Variants in UBE3A observed in about 807,000 individuals in gnomAD.
UBE3A encodes ubiquitin-protein ligase E3A.
UBE3A carries 6 observed loss-of-function variants against 83.4 expected under a neutral mutation model. That is an observed-to-expected ratio of 0.07 (90% CI 0.04 to 0.14). UBE3A has a LOEUF of 0.14. Among genes scored for constraint, UBE3A ranks in the 10% least tolerant of loss-of-function variants. The pLI is 1.00. For missense variants in UBE3A, 456 were observed against 1,036.1 expected, an observed-to-expected ratio of 0.44 and a Z score of 7.69; for synonymous variants, 337 against 355.4, an observed-to-expected ratio of 0.95 and a Z score of 0.58.
At chr15:25,427,795 GAAAA>G in intron 1 of UBE3A, among the ~76,000 whole-genome samples, 1 of 77,402 alleles carries the variant, frequency 1.3e-5, no homozygotes, top group Admixed American at 1.6e-4. Flanking sequence ...CTGTCTCCTG[GAAAA>G]AAAAAAAAAA....
chr15:25,399,680 T>C (rs1156952438), intron 4 of UBE3A, among the ~76,000 whole-genome samples: 5 of 152,024 alleles, frequency 3.3e-5, no homozygotes, highest in African/African-American at 1.2e-4. Context: ...GCAATCCTCC[T>C]TCTTCAGCCT....
At chr15:25,425,338 T>C (rs1322593188) in intron 1 of UBE3A, among the ~76,000 whole-genome samples, 1 of 152,136 alleles carries the variant, frequency 6.6e-6, no homozygotes, top group Non-Finnish European at 1.5e-5. Context: ...CAGGTTAGGA[T>C]TTATTTTGGG....
chr15:25,380,417 T>C (rs904087591), intron 4 of UBE3A, among the ~76,000 whole-genome samples: 4 of 152,082 alleles, frequency 2.6e-5, no homozygotes, highest in African/African-American at 9.7e-5. Context: ...TGCCAACCCT[T>C]AGTTTAGGAT....
Position 25,334,879 on chromosome 15 carries a change from G to A in UBE3A, c.*4258C>T, listed in dbSNP as rs1270306799. ...ACTTATGCAAAAAATGGATGAAATA[G>A]GAAACTTCACTACATTCTACTGCAT... On this transcript the variant is annotated 3_prime_UTR_variant, in exon 13 of 13. Transcript: ENST00000648336. 6.6e-6 allele frequency: 1 copy of A among 152,110 alleles called. No homozygotes were observed. The highest frequency in any genetic ancestry group is 1.5e-5 in the Non-Finnish European group (1 of 68,018). The allele number at this position is 152,110 out of a possible 1,614,324, so 9.4% of individuals were successfully genotyped here. A position where few individuals can be genotyped will look rare whatever the true frequency, so the allele number is the denominator to read the frequency against.
At chr15:25,368,642 T>C (rs150020186) in intron 6 of UBE3A, among the ~76,000 whole-genome samples, 311 of 152,262 alleles carry the variant, frequency 2.0e-3, no homozygotes, top group African/African-American at 7.0e-3. Context: ...AATTTTGATA[T>C]AATTAAGCAG....
chr15:25,354,081 C>A lies in UBE3A; in HGVS notation c.2354+272G>T, dbSNP rs116442792. ...TAATTATCTTCTAACCAGCAGTAAGCATACTCTAACCAGTGAGGAATACTA... is the reference window on the plus strand; with the variant it reads ...TAATTATCTTCTAACCAGCAGTAAGAATACTCTAACCAGTGAGGAATACTA... On this transcript the variant is annotated intron_variant, in intron 11 of 12. Coordinates refer to ENST00000648336, the MANE Select transcript of UBE3A (RefSeq NM_130839.5). 1,995 of 511,896 alleles carry A rather than the reference C, an allele frequency of 3.9e-3. 35 individuals carry two copies. The highest frequency in any genetic ancestry group is 0.035 in the African/African-American group (1,837 of 52,102). The allele number at this position is 511,896 out of a possible 1,614,324, so 31.7% of individuals were successfully genotyped here.
chr15:25,427,598 T>A (rs1406216320), intron 1 of UBE3A, among the ~76,000 whole-genome samples: 4 of 67,036 alleles, frequency 6.0e-5, no homozygotes, highest in African/African-American at 2.1e-4. Context: ...AGACCCCATC[T>A]CTACAAAAAA....
chr15:25,350,317 C>T (rs116586525), intron 11 of UBE3A, among the ~76,000 whole-genome samples: 4,747 of 149,718 alleles, frequency 0.032, 243 homozygotes, highest in African/African-American at 0.11. Context: ...AAAAAACCAA[C>T]GAACCAACCA....
At chr15:25,360,230 T>C (rs1190763153) in intron 7 of UBE3A, among the ~76,000 whole-genome samples, 153 bp downstream of exon 7, 1 of 152,240 alleles carries the variant, frequency 6.6e-6, no homozygotes, top group Non-Finnish European at 1.5e-5. Context: ...TCCTAAAACC[T>C]ACAAATTCAG....
At position 25,337,922 on chromosome 15, in the gene UBE3A, G is replaced by A. The variant is rs569883426; in HGVS notation, c.*1215C>T. The A allele has an allele frequency of 1.1e-4, 16 of 152,174 alleles. No individual in the cohort carries two copies. Among genetic ancestry groups the A allele is most frequent in the East Asian group, 3.9e-4 (2 of 5,178 alleles). The allele number at this position is 152,174 out of a possible 1,614,324, so 9.4% of individuals were successfully genotyped here. A position where few individuals can be genotyped will look rare whatever the true frequency, so the allele number is the denominator to read the frequency against. ...CTTTTCCATAGTACATGAAAGTAAC[G>A]TTTAACATGTTTTGAATTAATTAAT... is the stretch of plus-strand genomic sequence containing the variant. On this transcript the variant is annotated 3_prime_UTR_variant, in exon 13 of 13. Transcript: ENST00000648336.
In UBE3A at chr15:25,337,694, A is replaced by G. The variant is rs1200128405; in HGVS notation, c.*1443T>C. The G allele has an allele frequency of 6.6e-6, 1 of 152,164 alleles. No individual in the cohort carries two copies. The allele number at this position is 152,164 out of a possible 1,614,324, so 9.4% of individuals were successfully genotyped here. A position where few individuals can be genotyped will look rare whatever the true frequency, so the allele number is the denominator to read the frequency against. ...ATCAGTTAAAACAATCAGTCAATCA[A>G]TCAATCAATCACCAAGGCACAAGCT... On this transcript the variant is annotated 3_prime_UTR_variant, in exon 13 of 13. Coordinates refer to ENST00000648336, the MANE Select transcript of UBE3A (RefSeq NM_130839.5).
intron 11 of UBE3A, among the ~76,000 whole-genome samples, chr15:25,347,773 A>G (rs1360838184): frequency 1.3e-5 from 2 of 152,174 alleles, no homozygotes; most frequent in African/African-American, 4.8e-5. Flanking sequence ...AATCTTAAAA[A>G]ATGTTCAAGT....
At chr15:25,397,233 T>C (rs1386101712) in intron 4 of UBE3A, among the ~76,000 whole-genome samples, 3 of 152,148 alleles carry the variant, frequency 2.0e-5, no homozygotes, top group African/African-American at 2.4e-5. Context: ...ATTGAGACAT[T>C]ATGGGAAGTC....
chr15:25,405,181 C>A (rs1004866280), intron 4 of UBE3A, among the ~76,000 whole-genome samples: 3 of 151,840 alleles, frequency 2.0e-5, no homozygotes, highest in Non-Finnish European at 2.9e-5. Context: ...TCAACTCTTT[C>A]CTCAACCTCC....
At chr15:25,418,954 AT>A (rs1888355861) in intron 1 of UBE3A, 1 of 152,162 alleles carries the variant, frequency 6.6e-6, no homozygotes, top group Non-Finnish European at 1.5e-5. Flanking sequence ...ATGGCATGGT[AT>A]TTGCATATAA....
chr15:25,410,373 T>A (rs1024826621), intron 2 of UBE3A, among the ~76,000 whole-genome samples: 1 of 152,150 alleles, frequency 6.6e-6, no homozygotes, highest in Non-Finnish European at 1.5e-5. Flanking sequence ...GACACTGTAG[T>A]TCTGGCAAAG....
At chr15:25,384,879 G>C (rs1476387796) in intron 4 of UBE3A, among the ~76,000 whole-genome samples, 2 of 152,140 alleles carry the variant, frequency 1.3e-5, no homozygotes, top group African/African-American at 2.4e-5. Flanking sequence ...TCAACAAACT[G>C]TATTGGGAAA....
At chr15:25,409,927 A>T (rs1833455527) in intron 2 of UBE3A, among the ~76,000 whole-genome samples, 1 of 147,452 alleles carries the variant, frequency 6.8e-6, no homozygotes, top group African/African-American at 2.5e-5. Flanking sequence ...TCTCACTCAC[A>T]GGTGGGAACT....
chr15:25,356,419 A>G (rs2077220597), intron 8 of UBE3A, among the ~76,000 whole-genome samples: 1 of 152,180 alleles, frequency 6.6e-6, no homozygotes, highest in African/African-American at 2.4e-5. Context: ...CTATCTCTTA[A>G]GATTTCACTA....
Sources: gnomAD v4.1 joint callset for allele counts (sites outside exome capture counted in the v4.1 genomes callset) on GRCh38, gnomAD v4.1.1 for gene constraint, MANE v1.5 for transcripts, NCBI Gene and HGNC (gene_info 2026-07-23, HGNC 2026-07-21) for gene names.